Variants in CTIF observed in about 807,000 individuals in gnomAD.
CTIF encodes cap binding complex dependent translation initiation factor, also known as CBP80/20-dependent translation initiation factor.
In CTIF, 21 loss-of-function variants were observed where a neutral mutation model predicts 66.0. The ratio of observed to expected loss-of-function variants is 0.32; its 90% CI spans 0.23 to 0.46. The LOEUF is 0.46. CTIF is among the 20% of genes least tolerant of loss of function. The pLI is 1.00. For missense variants in CTIF, 739 were observed against 812.7 expected, an observed-to-expected ratio of 0.91 and a Z score of 1.10; for synonymous variants, 345 against 326.4, an observed-to-expected ratio of 1.06 and a Z score of -0.62.
intron 1 of CTIF, among the ~76,000 whole-genome samples, chr18:48,542,068 C>T (rs377405912): frequency 2.6e-5 from 4 of 152,180 alleles, no homozygotes; most frequent in African/African-American, 9.6e-5. Context: ...AATACTGAAG[C>T]TAAAAAATAG....
rs1005280638 is a variant in CTIF, at chr18:48,664,682, G to A, written c.431+131G>A. 8.6e-6 allele frequency: 6 copies of A among 698,774 alleles called. No individual in the cohort carries two copies. In the African/African-American group the frequency reaches 1.1e-4, roughly 12 times the overall value. 43.3% of individuals were successfully genotyped at this position (698,774 alleles called of 1,614,324 possible). The stretch of plus-strand genomic sequence containing the variant: ...TGATGCCCCGGGATGCTCTTCTTAT[G>A]CGTCCCAGAGCTGCAGGCTCACTGG... On this transcript the variant is annotated intron_variant, in intron 5 of 11. Transcript: ENST00000256413.
chr18:48,592,411 C>T (rs901327060), intron 1 of CTIF, among the ~76,000 whole-genome samples: 14 of 151,332 alleles, frequency 9.3e-5, no homozygotes, highest in African/African-American at 2.7e-4. Flanking sequence ...GCAAGAGAAT[C>T]GCTTGAACCC....
intron 1 of CTIF, among the ~76,000 whole-genome samples, chr18:48,600,848 C>G (rs1247442744): frequency 1.3e-5 from 2 of 152,138 alleles, no homozygotes; most frequent in African/African-American, 2.4e-5. Context: ...CCAGCCAGCC[C>G]TGAGTAGCCT....
At chr18:48,698,432 C>T (rs904758534) in intron 6 of CTIF, among the ~76,000 whole-genome samples, 5 of 152,244 alleles carry the variant, frequency 3.3e-5, no homozygotes, top group South Asian at 2.1e-4. Context: ...CGGCTGGTCT[C>T]GAACTCCTGG....
At chr18:48,632,574 G>C (rs562971212) in intron 2 of CTIF, among the ~76,000 whole-genome samples, 1 of 152,114 alleles carries the variant, frequency 6.6e-6, no homozygotes, top group Non-Finnish European at 1.5e-5. Context: ...GGCCAGTTCA[G>C]CCTCCCCTAA....
intron 6 of CTIF, among the ~76,000 whole-genome samples, chr18:48,671,647 G>A (rs2091536664): frequency 6.6e-6 from 1 of 151,962 alleles, no homozygotes; most frequent in Admixed American, 6.6e-5. Context: ...TCCCACTTGG[G>A]ATTTATTGAG....
intron 6 of CTIF, among the ~76,000 whole-genome samples, chr18:48,679,553 C>T (rs918212897): frequency 2.0e-5 from 3 of 152,200 alleles, no homozygotes; most frequent in African/African-American, 7.2e-5. Context: ...TAAAGGGTGA[C>T]TGTCTTCCTG....
At chr18:48,588,927 C>A (rs1487394714) in intron 1 of CTIF, among the ~76,000 whole-genome samples, 2 of 152,186 alleles carry the variant, frequency 1.3e-5, no homozygotes, top group African/African-American at 4.8e-5. Context: ...GGGCACCGGA[C>A]TTTTCCCTTT....
intron 1 of CTIF, among the ~76,000 whole-genome samples, chr18:48,596,232 G>A (rs78114006): frequency 0.019 from 2,876 of 152,246 alleles, 88 homozygotes; most frequent in African/African-American, 0.066. Context: ...TCTTTCTTAC[G>A]TCTACAGGCA....
chr18:48,567,144 T>C (rs918080209), intron 1 of CTIF: 12 of 152,140 alleles, frequency 7.9e-5, no homozygotes, highest in African/African-American at 2.9e-4. Flanking sequence ...ATAGCAGAAG[T>C]CTTTCTTTAA....
At chr18:48,856,981 G>C (rs1303982024) in intron 10 of CTIF, among the ~76,000 whole-genome samples, 6 of 152,228 alleles carry the variant, frequency 3.9e-5, no homozygotes, top group Non-Finnish European at 2.9e-5. Context: ...AGCATGGACT[G>C]TAGCACGGCA....
intron 7 of CTIF, among the ~76,000 whole-genome samples, chr18:48,738,571 C>T (rs2092525723): frequency 6.7e-6 from 1 of 148,406 alleles, no homozygotes; most frequent in Non-Finnish European, 1.5e-5. Flanking sequence ...TGGGTATTTG[C>T]ATGGCTTCTC....
At chr18:48,815,319 G>T (rs2068339396) in intron 9 of CTIF, among the ~76,000 whole-genome samples, 1 of 152,174 alleles carries the variant, frequency 6.6e-6, no homozygotes, top group African/African-American at 2.4e-5. Context: ...TCCCAGCCCT[G>T]CCACTGGCTC....
At chr18:48,817,045 T>C (rs1399946605) in intron 9 of CTIF, among the ~76,000 whole-genome samples, 176 bp from the exon 10 acceptor site, 10 of 152,072 alleles carry the variant, frequency 6.6e-5, no homozygotes, top group Non-Finnish European at 1.5e-5. Flanking sequence ...TGGCCCCAGG[T>C]CAGGGTGGTC....
intron 7 of CTIF, chr18:48,755,690 C>G (rs2145847122): frequency 6.6e-6 from 1 of 152,330 alleles, no homozygotes. Flanking sequence ...TATCAGAAAC[C>G]AACAAGATTG....
intron 9 of CTIF, among the ~76,000 whole-genome samples, chr18:48,771,757 G>A (rs977500220): frequency 2.0e-5 from 3 of 152,152 alleles, no homozygotes; most frequent in Non-Finnish European, 2.9e-5. Flanking sequence ...CTCCTTCCCC[G>A]GAGCCAGGCA....
At chr18:48,754,121 C>T (rs1259995464) in intron 7 of CTIF, among the ~76,000 whole-genome samples, 1 of 152,232 alleles carries the variant, frequency 6.6e-6, no homozygotes, top group Non-Finnish European at 1.5e-5. Flanking sequence ...GGCTCCTTCT[C>T]AGGCAAAGAA....
intron 9 of CTIF, among the ~76,000 whole-genome samples, chr18:48,779,039 G>C (rs1474833350): frequency 6.6e-6 from 1 of 152,174 alleles, no homozygotes; most frequent in Non-Finnish European, 1.5e-5. Context: ...CCCTCTCGGG[G>C]CCCCAGTTTT....
chr18:48,830,615 G>A (rs2146444145), intron 10 of CTIF, among the ~76,000 whole-genome samples: 1 of 152,292 alleles, frequency 6.6e-6, no homozygotes. Context: ...GCTGCTTACT[G>A]GGAAAAAATG....
Sources: gnomAD v4.1 joint callset for allele counts (sites outside exome capture counted in the v4.1 genomes callset) on GRCh38, gnomAD v4.1.1 for gene constraint, MANE v1.5 for transcripts, NCBI Gene and HGNC (gene_info 2026-07-23, HGNC 2026-07-21) for gene names.